PROSER2: variants seen among roughly 807,000 people sequenced by gnomAD.
PROSER2 encodes proline and serine rich 2.
PROSER2 carries 18 observed loss-of-function variants against 14.6 expected under a neutral mutation model. That is an observed-to-expected ratio of 1.23 (90% CI 0.85 to 1.83). The LOEUF is 1.83. PROSER2 is among the 40% of genes most tolerant of loss of function. PROSER2 has a pLI of 0.00. For missense variants in PROSER2, 823 were observed against 629.8 expected (o/e 1.31, Z -3.28); for synonymous variants, 367 against 286.4 (o/e 1.28, Z -2.84).
At position 11,857,302 on chromosome 10, in the gene PROSER2, C is replaced by T. The variant is rs995786779; in HGVS notation, c.138+5087C>T. ...ACTGAAGGCAGCCCAGGAGCCCAGCCGTCATCTTGTGAAGCCATTATTCTT... is the reference window on the plus strand; with the variant it reads ...ACTGAAGGCAGCCCAGGAGCCCAGCTGTCATCTTGTGAAGCCATTATTCTT... On this transcript the variant is annotated intron_variant, in intron 2 of 3. Coordinates refer to ENST00000277570, the MANE Select transcript of PROSER2 (RefSeq NM_153256.4). 4.6e-5 allele frequency: 7 copies of T among 152,266 alleles called. No individual in the cohort carries two copies. The South Asian group carries it at 6.2e-4, about 14-fold the overall frequency. 9.4% of individuals were successfully genotyped at this position (152,266 alleles called of 1,614,324 possible). A position where few individuals can be genotyped will look rare whatever the true frequency, so the allele number is the denominator to read the frequency against.
chr10:11,858,759 C>T (rs1834172674), intron 2 of PROSER2, among the ~76,000 whole-genome samples: 1 of 152,062 alleles, frequency 6.6e-6, no homozygotes, highest in African/African-American at 2.4e-5. Flanking sequence ...GCCTATAATC[C>T]CAGCACTTTG....
chr10:11,840,505 A>G (rs1482942044), intron 1 of PROSER2, among the ~76,000 whole-genome samples: 1 of 152,162 alleles, frequency 6.6e-6, no homozygotes, highest in Middle Eastern at 3.2e-3. Flanking sequence ...TATTTGGTTT[A>G]TAGACCCAGT....
Position 11,871,005 on chromosome 10 carries a change from A to ATATT in PROSER2, c.*600_*603dup, listed in dbSNP as rs1435585885. ...CTGAAAACTGAAATGAAACCTTTAG[A>ATATT]TATTGAGTTTTGGGAGTGAAATGGA... On this transcript the variant is annotated 3_prime_UTR_variant, in exon 4 of 4. Transcript: ENST00000277570. 6.6e-6 allele frequency: 1 copy of ATATT among 152,116 alleles called. No homozygotes were observed. The highest frequency in any genetic ancestry group is 2.4e-5 in the African/African-American group (1 of 41,402). 9.4% of individuals were successfully genotyped at this position (152,116 alleles called of 1,614,324 possible).
At chr10:11,858,666 A>G (rs796486782) in intron 2 of PROSER2, among the ~76,000 whole-genome samples, 1 of 152,196 alleles carries the variant, frequency 6.6e-6, no homozygotes, top group East Asian at 1.9e-4. Context: ...AAGCAAAGCA[A>G]TATTTCCTTC....
At chr10:11,842,405 C>T (rs749037831) in intron 1 of PROSER2, among the ~76,000 whole-genome samples, 1 of 151,408 alleles carries the variant, frequency 6.6e-6, no homozygotes. Context: ...CATTTATCCC[C>T]TCCTCTAATT....
At chr10:11,826,532 A>G (rs1833615868) in intron 1 of PROSER2, among the ~76,000 whole-genome samples, 1 of 152,206 alleles carries the variant, frequency 6.6e-6, no homozygotes, top group South Asian at 2.1e-4. Flanking sequence ...ATCCTTGTCA[A>G]CCACTTGTTA....
At position 11,870,265 on chromosome 10, in the gene PROSER2, C is replaced by T. The variant is rs1834455172; in HGVS notation, c.1167C>T (p.Pro389=). ...AGAGCTTCCCCGGGCCCCGGCAGCC[C>T]AACGGCGCCCAGGACTGGCGCCGCG... ...ARQSFPGPRQ[P]NGAQDWRRAD... The change falls in exon 4 of 4, where the codon CCC becomes CCT. Residue 389 remains proline, a synonymous_variant. Transcript: ENST00000277570. The T allele has an allele frequency of 1.3e-6, 2 of 1,488,870 alleles. No homozygotes were observed. Among genetic ancestry groups the T allele is most frequent in the Non-Finnish European group, 8.9e-7 (1 of 1,127,228 alleles). 92.2% of individuals were successfully genotyped at this position (1,488,870 alleles called of 1,614,324 possible).
At chr10:11,840,989 T>A (rs553595200) in intron 1 of PROSER2, among the ~76,000 whole-genome samples, 1 of 112,426 alleles carries the variant, frequency 8.9e-6, no homozygotes, top group African/African-American at 3.7e-5. Context: ...TATATATATA[T>A]ATGATGGTGG....
chr10:11,848,853 A>C (rs919009118), intron 1 of PROSER2, among the ~76,000 whole-genome samples: 2 of 152,100 alleles, frequency 1.3e-5, no homozygotes, highest in African/African-American at 4.8e-5. Flanking sequence ...TTCTGTTAGG[A>C]ATGCCCATGG....
intron 1 of PROSER2, among the ~76,000 whole-genome samples, chr10:11,847,781 C>T (rs1833945870): frequency 6.6e-6 from 1 of 152,148 alleles, no homozygotes. Context: ...TGTTTTCTTC[C>T]CTTACGTCAG....
intron 1 of PROSER2, among the ~76,000 whole-genome samples, chr10:11,842,835 A>T (rs1448475412): frequency 1.3e-5 from 2 of 151,178 alleles, no homozygotes; most frequent in Non-Finnish European, 2.9e-5. Flanking sequence ...GTATGTATAC[A>T]TGTACATATG....
At chr10:11,849,392 G>GTAGGTC (rs1302733114) in intron 1 of PROSER2, among the ~76,000 whole-genome samples, 1 of 152,132 alleles carries the variant, frequency 6.6e-6, no homozygotes, top group East Asian at 1.9e-4. Context: ...AATATATTCT[G>GTAGGTC]TAGGTCTAGG....
In PROSER2 at chr10:11,869,719, G is replaced by A. The variant is rs764943549; in HGVS notation, c.621G>A (p.Gly207=). 6.3e-6 allele frequency: 10 copies of A among 1,593,350 alleles called. No individual in the cohort carries two copies. The South Asian group carries it at 1.1e-4, about 18-fold the overall frequency. Residue 207 remains glycine, a synonymous_variant, in exon 4 of 4, where the codon GGG becomes GGA. Coordinates refer to ENST00000277570, the MANE Select transcript of PROSER2 (RefSeq NM_153256.4). The surrounding 1 kb of genome is among the most constrained non-coding windows in gnomAD (Gnocchi z 4.4). ...AGAAGATTTCCGAGAGGATGGCGGGGAACGAAGCCCTCTCGCCCACCTCCC... is the reference window on the plus strand; with the variant it reads ...AGAAGATTTCCGAGAGGATGGCGGGAAACGAAGCCCTCTCGCCCACCTCCC... ...MAQKISERMA[G]NEALSPTSPF... is the part of the protein sequence containing the mutation.
At chr10:11,846,671 T>C (rs939639152) in intron 1 of PROSER2, among the ~76,000 whole-genome samples, 1 of 152,250 alleles carries the variant, frequency 6.6e-6, no homozygotes, top group Non-Finnish European at 1.5e-5. Flanking sequence ...CATCCAGCAC[T>C]GAAACAGCTT....
At position 11,856,409 on chromosome 10, in the gene PROSER2, C is replaced by T. The variant is rs545346618; in HGVS notation, c.138+4194C>T. 2.6e-5 allele frequency among the ~76,000 whole-genome samples: 4 copies of T among 152,302 alleles called. No individual in the cohort carries two copies. In the South Asian group the frequency reaches 8.3e-4, roughly 32 times the overall value. ...TGAAGTCGGGTCTGCCTTCACACAT[C>T]CCGAAGCTTCCTCTAGAAGAAATAG... is the stretch of plus-strand genomic sequence containing the variant. On this transcript the variant is annotated intron_variant, in intron 2 of 3. Coordinates refer to ENST00000277570, the MANE Select transcript of PROSER2 (RefSeq NM_153256.4). The surrounding 1 kb of genome is among the most constrained non-coding windows in gnomAD (Gnocchi z 5.3).
chr10:11,834,690 G>A (rs996421624), intron 1 of PROSER2, among the ~76,000 whole-genome samples: 16 of 151,908 alleles, frequency 1.1e-4, no homozygotes, highest in African/African-American at 1.5e-4. Context: ...AGCCAAGATC[G>A]CACCATTGCA....
rs866975845 is a variant in PROSER2, at chr10:11,865,524, C to A, written c.139-1007C>A. On this transcript the variant is annotated intron_variant, in intron 2 of 3. Coordinates refer to ENST00000277570, the MANE Select transcript of PROSER2 (RefSeq NM_153256.4). This position sits in a 1 kb window ranked among gnomAD's most constrained non-coding sequence, Gnocchi z 4.2. ...TATCTGCGCATACTCCAGAGTAGGA[C>A]AGTAAGAAACTGCTGCGCAGTTCTA... Among the ~76,000 whole-genome samples the A allele has an allele frequency of 2.0e-5, 3 of 152,144 alleles. No individual in the cohort carries two copies. The highest frequency in any genetic ancestry group is 4.8e-5 in the African/African-American group (2 of 41,424).
intron 1 of PROSER2, among the ~76,000 whole-genome samples, chr10:11,847,649 C>A (rs559356108): frequency 6.6e-6 from 1 of 152,132 alleles, no homozygotes; most frequent in Non-Finnish European, 1.5e-5. Context: ...AAACTCCTGA[C>A]CTCAAGTGAT....
intron 2 of PROSER2, among the ~76,000 whole-genome samples, chr10:11,858,156 A>C (rs7907399): frequency 0.97 from 147,800 of 152,254 alleles, 71,846 homozygotes; most frequent in East Asian, 1. Flanking sequence ...CCAGGCTGGT[A>C]TCAAACTCCT....
Sources: gnomAD v4.1 joint callset for allele counts (sites outside exome capture counted in the v4.1 genomes callset) on GRCh38, gnomAD v4.1.1 for gene constraint, Gnocchi (gnomAD v3.1) non-coding constraint, MANE v1.5 for transcripts, NCBI Gene and HGNC (gene_info 2026-07-23, HGNC 2026-07-21) for gene names.